Variants in ZBBX observed in about 807,000 individuals in gnomAD.
ZBBX encodes the protein zinc finger B-box domain-containing protein 1.
In ZBBX, 101 loss-of-function variants were observed where a neutral mutation model predicts 108.5. That is an observed-to-expected ratio of 0.93 (90% CI 0.79 to 1.10). The LOEUF (loss-of-function observed/expected upper bound fraction) is 1.10, where lower values mean the gene tolerates loss of function less well. ZBBX is among the 50% of genes least tolerant of loss of function. The probability of loss-of-function intolerance (pLI) is 0.00; values close to 1 mark genes in which losing one functional copy is unlikely to be tolerated. For missense variants in ZBBX, 1,009 were observed against 941.4 expected (o/e 1.07, Z -0.94); for synonymous variants, 356 against 323.4 (o/e 1.10, Z -1.08).
At chr3:167,245,165 G>A (rs1020646239) in intron 20 of ZBBX, among the ~76,000 whole-genome samples, 41 of 152,148 alleles carry the variant, frequency 2.7e-4, no homozygotes, top group Non-Finnish European at 5.0e-4. Context: ...TGTAATCCCA[G>A]CACTTTGGGA....
chr3:167,202,097 A>G, the ZBBX span, among the ~76,000 whole-genome samples: 1 of 152,094 alleles, frequency 6.6e-6, no homozygotes, highest in Non-Finnish European at 1.5e-5. Flanking sequence ...CATTACATTT[A>G]CCATGTCAGT....
chr3:167,181,228 C>T, the ZBBX span, among the ~76,000 whole-genome samples: 1 of 152,062 alleles, frequency 6.6e-6, no homozygotes, highest in Non-Finnish European at 1.5e-5. Flanking sequence ...AAGGACATAC[C>T]CCATTTCATC....
intron 20 of ZBBX, among the ~76,000 whole-genome samples, chr3:167,277,144 T>C (rs4371516): frequency 0.82 from 124,395 of 151,820 alleles, 51,357 homozygotes; most frequent in African/African-American, 0.93. Context: ...AAAATCATGC[T>C]AAAATGTAAA....
intron 20 of ZBBX, among the ~76,000 whole-genome samples, chr3:167,255,324 A>G (rs1001385546): frequency 6.6e-6 from 1 of 152,122 alleles, no homozygotes; most frequent in Admixed American, 6.5e-5. Flanking sequence ...AAAAACAGAC[A>G]TTATCATGAA....
At chr3:167,327,690 C>A (rs867946118) in intron 11 of ZBBX, among the ~76,000 whole-genome samples, 2 of 151,896 alleles carry the variant, frequency 1.3e-5, no homozygotes, top group Non-Finnish European at 2.9e-5. Flanking sequence ...GGGAGGCAGG[C>A]AGGTCAGGAG....
the ZBBX span, among the ~76,000 whole-genome samples, chr3:167,226,992 G>C: frequency 5.3e-5 from 8 of 151,758 alleles, no homozygotes; most frequent in African/African-American, 1.9e-4. Flanking sequence ...TATATGATAT[G>C]AGTTGTATCT....
At chr3:167,185,667 T>TC in the ZBBX span, among the ~76,000 whole-genome samples, 1 of 152,124 alleles carries the variant, frequency 6.6e-6, no homozygotes, top group Non-Finnish European at 1.5e-5. Context: ...CTAGCATTCT[T>TC]TAATATCATT....
intron 8 of ZBBX, among the ~76,000 whole-genome samples, chr3:167,354,286 A>ATG (rs1743163864): frequency 6.6e-6 from 1 of 151,924 alleles, no homozygotes; most frequent in Admixed American, 6.6e-5. Context: ...CTGAATACAT[A>ATG]CTGTTTTTAC....
chr3:167,246,357 G>T (rs1721571301), intron 20 of ZBBX, among the ~76,000 whole-genome samples: 1 of 152,170 alleles, frequency 6.6e-6, no homozygotes, highest in Non-Finnish European at 1.5e-5. Flanking sequence ...TATAAATCCT[G>T]ATTAGATTAG....
intron 10 of ZBBX, 29 bp from the exon 11 acceptor site, chr3:167,328,145 T>C: frequency 6.4e-7 from 1 of 1,570,130 alleles, no homozygotes; most frequent in Non-Finnish European, 8.6e-7. Context: ...AGGCATGCTT[T>C]ATTAAATTTT....
intron 20 of ZBBX, among the ~76,000 whole-genome samples, chr3:167,278,358 C>G (rs1263340002): frequency 6.6e-6 from 1 of 150,530 alleles, no homozygotes; most frequent in African/African-American, 2.4e-5. Flanking sequence ...ACTAGCAAGA[C>G]TAATAAAGAA....
the ZBBX span, among the ~76,000 whole-genome samples, chr3:167,223,910 T>C: frequency 6.6e-6 from 1 of 151,958 alleles, no homozygotes; most frequent in African/African-American, 2.4e-5. Flanking sequence ...TAGTTAATTG[T>C]TCCTACTTTC....
chr3:167,395,052 C>T (rs1335480999), intron 1 of ZBBX, among the ~76,000 whole-genome samples: 1 of 152,028 alleles, frequency 6.6e-6, no homozygotes, highest in African/African-American at 2.4e-5. Flanking sequence ...AACTCTAATA[C>T]ACTTATCCTC....
chr3:167,384,977 G>A (rs993783537), upstream of ZBBX, among the ~76,000 whole-genome samples: 1 of 152,016 alleles, frequency 6.6e-6, no homozygotes, highest in Non-Finnish European at 1.5e-5. Context: ...CAGAGAAGGT[G>A]AAGACACAAT....
At chr3:167,199,871 C>A in the ZBBX span, among the ~76,000 whole-genome samples, 2 of 152,082 alleles carry the variant, frequency 1.3e-5, no homozygotes, top group Admixed American at 6.6e-5. Flanking sequence ...CTTAAAATAA[C>A]ACGAATTCAT....
chr3:167,255,621 T>C (rs1723375845), intron 20 of ZBBX, among the ~76,000 whole-genome samples: 1 of 152,066 alleles, frequency 6.6e-6, no homozygotes, highest in Non-Finnish European at 1.5e-5. Context: ...ATGGCCTCCA[T>C]TACTCTTTAT....
chr3:167,204,887 A>G, the ZBBX span, among the ~76,000 whole-genome samples: 4 of 151,618 alleles, frequency 2.6e-5, no homozygotes, highest in Non-Finnish European at 5.9e-5. Context: ...TAAGATATAG[A>G]GGACAGGAAC....
intron 6 of ZBBX, among the ~76,000 whole-genome samples, chr3:167,365,042 T>C (rs1243138632): frequency 4.6e-5 from 7 of 151,890 alleles, no homozygotes; most frequent in African/African-American, 1.7e-4. Context: ...ATTATTTTAA[T>C]AGTCTTACAA....
At chr3:167,319,036 G>C (rs1409105172) in intron 12 of ZBBX, among the ~76,000 whole-genome samples, 1 of 151,924 alleles carries the variant, frequency 6.6e-6, no homozygotes, top group Non-Finnish European at 1.5e-5. Flanking sequence ...ATTTAGAAAA[G>C]AGTTTGGCAG....
Sources: allele counts gnomAD v4.1 joint callset (sites outside exome capture counted in the v4.1 genomes callset), GRCh38; gene constraint gnomAD v4.1.1; transcripts MANE v1.5; gene names NCBI Gene and HGNC (gene_info 2026-07-23, HGNC 2026-07-21).